CDH20: variants seen among roughly 807,000 people sequenced by gnomAD.
CDH20 encodes cadherin-20.
In CDH20, 29 loss-of-function variants were observed where a neutral mutation model predicts 74.2. The observed-to-expected ratio is 0.39, with a 90% CI of 0.29 to 0.53. The LOEUF (loss-of-function observed/expected upper bound fraction) is 0.53. CDH20 is among the 20% of genes least tolerant of loss of function. The pLI, the probability that CDH20 is intolerant of heterozygous loss-of-function variation, is 0.69. For synonymous variants in CDH20, 469 were observed against 405.4 expected (o/e 1.16, Z -1.88); for missense variants, 988 against 1,048.3 (o/e 0.94, Z 0.79).
chr18:61,369,630 C>A (rs1379546797), intron 1 of CDH20, among the ~76,000 whole-genome samples: 1 of 152,004 alleles, frequency 6.6e-6, no homozygotes, highest in African/African-American at 2.4e-5. Flanking sequence ...TTCATTGGAG[C>A]ACTATTCACA....
rs199985812 is a variant in CDH20 at position 61,475,597 on chromosome 18, GAAA to G, written c.-152-14802_-152-14800del. 9.7e-4 allele frequency among the ~76,000 whole-genome samples: 148 copies of G among 152,214 alleles called. 2 individuals are homozygous for G. In the East Asian group the frequency reaches 0.026, roughly 27 times the overall value. On this transcript the variant is annotated intron_variant, in intron 1 of 11. Transcript: ENST00000262717. ...ATCGCTTTTACTTGTTGCATATTTG[GAAA>G]AATCTCAATGCTTAGTGACCATGAC...
Position 61,555,087 on chromosome 18 carries a change from C to G in CDH20, c.*392C>G. 9.6e-7 allele frequency: 1 copy of G among 1,039,872 alleles called. No homozygotes were observed. The highest frequency in any genetic ancestry group is 1.2e-6 in the Non-Finnish European group (1 of 864,892). 64.4% of individuals were successfully genotyped at this position (1,039,872 alleles called of 1,614,324 possible). On this transcript the variant is annotated 3_prime_UTR_variant, in exon 12 of 12. Transcript: ENST00000262717. ...CCAATTGAAAGCAGAAAGTTCTACT[C>G]TCGTATCTGTTTTTTATCTTATCTT...
At chr18:61,451,970 C>T (rs1909402996) in intron 1 of CDH20, among the ~76,000 whole-genome samples, 1 of 152,106 alleles carries the variant, frequency 6.6e-6, no homozygotes, top group Non-Finnish European at 1.5e-5. Context: ...ATTGACCTTT[C>T]TGTCTGTTGT....
chr18:61,536,686 A>T (rs1301240506), intron 8 of CDH20, 57 bp downstream of exon 8: 1 of 1,506,584 alleles, frequency 6.6e-7, no homozygotes, highest in African/African-American at 1.4e-5. Flanking sequence ...TGTTATAGAA[A>T]GTGGAAGTTT....
chr18:61,368,148 A>G (rs1036229746), intron 1 of CDH20, among the ~76,000 whole-genome samples: 2 of 152,068 alleles, frequency 1.3e-5, no homozygotes, highest in Non-Finnish European at 2.9e-5. Flanking sequence ...GCCTGCTTGG[A>G]TAATCCAGGA....
At chr18:61,522,386 C>T (rs1249964845) in intron 6 of CDH20, among the ~76,000 whole-genome samples, 1 of 152,142 alleles carries the variant, frequency 6.6e-6, no homozygotes, top group Non-Finnish European at 1.5e-5. Context: ...TCAAGGAGAA[C>T]TGCAAACCAC....
At chr18:61,359,003 A>G (rs1599034889) in intron 1 of CDH20, among the ~76,000 whole-genome samples, 1 of 152,138 alleles carries the variant, frequency 6.6e-6, no homozygotes, top group African/African-American at 2.4e-5. Flanking sequence ...TTTAAAATCT[A>G]AGTGCACACA....
At chr18:61,550,309 G>A (rs1294800266) in intron 11 of CDH20, 80 bp downstream of exon 11, 1 of 1,520,566 alleles carries the variant, frequency 6.6e-7, no homozygotes, top group Non-Finnish European at 9.0e-7. Flanking sequence ...TCCTGACACA[G>A]CTATTCAGAA....
chr18:61,477,597 CATA>C (rs1212521301), intron 1 of CDH20, among the ~76,000 whole-genome samples: 1 of 152,180 alleles, frequency 6.6e-6, no homozygotes, highest in Non-Finnish European at 1.5e-5. Flanking sequence ...ATGAGTATGT[CATA>C]ATGTTTAGAA....
chr18:61,403,124 A>G (rs767807371), intron 1 of CDH20, among the ~76,000 whole-genome samples: 9 of 152,186 alleles, frequency 5.9e-5, no homozygotes, highest in Non-Finnish European at 1.0e-4. Flanking sequence ...CTGGCTTTCA[A>G]TGCCTTCCTC....
At position 61,478,967 on chromosome 18, in the gene CDH20, T is replaced by C. The variant is rs1910491566; in HGVS notation, c.-152-11435T>C. ...ATAAATTTATATTATATAAATATAA[T>C]AGTCTCAAGTTTTGGAGGAATAAAC... is the stretch of plus-strand genomic sequence containing the variant. On this transcript the variant is annotated intron_variant, in intron 1 of 11. Coordinates refer to ENST00000262717, the MANE Select transcript of CDH20 (RefSeq NM_031891.4). Among the ~76,000 whole-genome samples the C allele has an allele frequency of 2.0e-5, 3 of 151,822 alleles. No individual in the cohort carries two copies. The South Asian group carries it at 6.2e-4, about 31-fold the overall frequency.
chr18:61,383,790 G>C (rs1911511387), intron 1 of CDH20, among the ~76,000 whole-genome samples: 1 of 152,102 alleles, frequency 6.6e-6, no homozygotes, highest in African/African-American at 2.4e-5. Flanking sequence ...GAATTGAAAG[G>C]AGAGACAGAC....
intron 1 of CDH20, among the ~76,000 whole-genome samples, chr18:61,454,018 A>G (rs76370890): frequency 0.017 from 2,522 of 152,234 alleles, 55 homozygotes; most frequent in African/African-American, 0.057. Flanking sequence ...GTATGGCACT[A>G]TGTCATAGTG....
chr18:61,464,509 C>G (rs943599513), intron 1 of CDH20, among the ~76,000 whole-genome samples: 3 of 152,090 alleles, frequency 2.0e-5, no homozygotes, highest in African/African-American at 7.2e-5. Context: ...TAGCAAAGAC[C>G]AGGCTATGTC....
chr18:61,505,361 A>G (rs1275955490), intron 5 of CDH20, among the ~76,000 whole-genome samples: 6 of 135,484 alleles, frequency 4.4e-5, no homozygotes. Context: ...TTTTTGAGAC[A>G]GGGTCTTGCT....
At chr18:61,418,553 CAAAAAAAA>C (rs36009749) in intron 1 of CDH20, among the ~76,000 whole-genome samples, 430 of 68,616 alleles carry the variant, frequency 6.3e-3, no homozygotes, top group Admixed American at 9.4e-3. Context: ...GACTCTGTCT[CAAAAAAAA>C]AAAAAAAAAA....
intron 1 of CDH20, among the ~76,000 whole-genome samples, chr18:61,336,897 G>T (rs977164139): frequency 1.3e-5 from 2 of 152,076 alleles, no homozygotes; most frequent in Non-Finnish European, 2.9e-5. Context: ...CTGATTATTG[G>T]CATCCAGGGC....
Position 61,554,227 on chromosome 18 carries a change from G to C in CDH20, c.1938G>C (p.Arg646=). The C allele has an allele frequency of 3.7e-6, 6 of 1,613,454 alleles. No homozygotes were observed. Among genetic ancestry groups the C allele is most frequent in the Non-Finnish European group, 5.1e-6 (6 of 1,179,536 alleles). The part of the protein sequence containing the change: ...VLLILSMRRH[R]KQPYIIDDEE... Reference sequence around the variant, plus strand: ...TCATTTTGTCCATGAGGCGGCACCGGAAACAACCATACATCATCGACGACG... The same window carrying C: ...TCATTTTGTCCATGAGGCGGCACCGCAAACAACCATACATCATCGACGACG... Residue 646 remains arginine (R), a synonymous_variant, in exon 12 of 12, where the codon CGG becomes CGC. Transcript: ENST00000262717.
intron 1 of CDH20, among the ~76,000 whole-genome samples, chr18:61,450,634 C>T (rs1909354812): frequency 6.6e-6 from 1 of 151,948 alleles, no homozygotes; most frequent in African/African-American, 2.4e-5. Flanking sequence ...AAAGGTTTGC[C>T]TCTTTAACGA....
Sources: allele counts gnomAD v4.1 joint callset (sites outside exome capture counted in the v4.1 genomes callset), GRCh38; gene constraint gnomAD v4.1.1; transcripts MANE v1.5; gene names NCBI Gene and HGNC (gene_info 2026-07-23, HGNC 2026-07-21).